Variants in GDF9 observed in about 807,000 individuals in gnomAD.
GDF9 encodes the protein growth/differentiation factor 9.
A neutral mutation model predicts 33.8 loss-of-function variants in GDF9; 30 were observed. The ratio of observed to expected loss-of-function variants is 0.89; its 90% confidence interval spans 0.66 to 1.20. The LOEUF is 1.20. Ranked by LOEUF, GDF9 falls within the 50% of genes most tolerant of loss-of-function variation. The pLI is 0.00. For missense variants in GDF9, 556 were observed against 543.7 expected, an observed-to-expected ratio of 1.02 and a Z score of -0.22; for synonymous variants, 205 against 200.7, an observed-to-expected ratio of 1.02 and a Z score of -0.18.
intron 1 of GDF9, among the ~76,000 whole-genome samples, chr5:132,863,502 C>A (rs567246588): frequency 6.7e-6 from 1 of 148,492 alleles, no homozygotes; most frequent in Admixed American, 6.8e-5. Flanking sequence ...AGCAGTGGTG[C>A]GATCTTGGCT....
In GDF9 at chr5:132,866,183, G is replaced by A. The variant is rs30179; in HGVS notation, c.-1650C>T. 0.54 allele frequency: 82,430 copies of A among 152,404 alleles called. 22,655 individuals carry two copies. Among genetic ancestry groups the A allele is most frequent in the South Asian group, 0.61 (3,005 of 4,896 alleles). 9.4% of individuals were successfully genotyped at this position (152,404 alleles called of 1,614,324 possible). On this transcript the variant is annotated 5_prime_UTR_variant, in exon 1 of 2. Coordinates refer to ENST00000687138, the MANE Select transcript of GDF9 (RefSeq NM_005260.7). ...TTTGAGCTACTGGCCAAGGCCAAAT[G>A]AAACCTCGTGCTCCTCTGCTGTGGG...
At chr5:132,863,153 C>G (rs1759379087) in intron 1 of GDF9, among the ~76,000 whole-genome samples, 1 of 152,166 alleles carries the variant, frequency 6.6e-6, no homozygotes, top group Non-Finnish European at 1.5e-5. Flanking sequence ...GTAATTTGCT[C>G]CAAACACAGA....
chr5:132,862,801 C>T (rs1442269847), intron 1 of GDF9, among the ~76,000 whole-genome samples: 1 of 152,082 alleles, frequency 6.6e-6, no homozygotes, highest in Non-Finnish European at 1.5e-5. Flanking sequence ...ATCAAAGTAA[C>T]AGGGAATCAC....
chr5:132,861,359 T>C lies in GDF9; in HGVS notation c.*230A>G, dbSNP rs1220558448. 1.9e-6 allele frequency: 1 copy of C among 512,948 alleles called. No homozygotes were observed. The highest frequency in any genetic ancestry group is 3.5e-6 in the Non-Finnish European group (1 of 288,080). 31.8% of individuals were successfully genotyped at this position (512,948 alleles called of 1,614,324 possible). On this transcript the variant is annotated 3_prime_UTR_variant, in exon 2 of 2. Coordinates refer to ENST00000687138, the MANE Select transcript of GDF9 (RefSeq NM_005260.7). Reference sequence around the variant, plus strand: ...GAAAAAAATGTAAAGTTCTCCACAATAATTATATTTCATTTAAATTTGGAA... The same window carrying C: ...GAAAAAAATGTAAAGTTCTCCACAACAATTATATTTCATTTAAATTTGGAA...
Position 132,864,325 on chromosome 5 carries a change from G to C in GDF9, c.209C>G (p.Ser70Cys), listed in dbSNP as rs933014086. 2 of 1,614,046 alleles carry C rather than the reference G, an allele frequency of 1.2e-6. No homozygotes were observed. The highest frequency in any genetic ancestry group is 1.7e-5 in the Admixed American group (1 of 60,010). ...GLLPALFKVL[S>C]VGRGGSPRLQ... ...CCTAGGTGACCCACCTCGCCCAACA[G>C]ATAGAACTTTGAAAAGCGCGGGAAG... Residue 70 changes from serine (S) to cysteine (C), a missense_variant, in exon 1 of 2, where the codon TCT (serine) becomes TGT (cysteine). Physicochemically the swap from Ser to Cys is moderately radical, Grantham distance 112 (BLOSUM62 -1). Transcript: ENST00000687138.
At position 132,861,960 on chromosome 5, in the gene GDF9, A is replaced by C; in HGVS notation, c.994T>G (p.Leu332Val). Residue 332 changes from leucine (L) to valine (V), a missense_variant, in exon 2 of 2, where the codon TTG becomes GTG. Transcript: ENST00000687138. ...CTCAGATTGAAGGAAGCTGGGCCCA[A>C]GGGCTTCTTCAATTCAGAACTGACA... Reference protein sequence around the residue: ...ETVSSELKKPLGPASFNLSEY... With the variant: ...ETVSSELKKPVGPASFNLSEY... 1 of 1,614,176 alleles carries C rather than the reference A, an allele frequency of 6.2e-7. No homozygotes were observed. The highest frequency in any genetic ancestry group is 8.5e-7 in the Non-Finnish European group (1 of 1,180,014).
In GDF9 at chr5:132,864,433, A is replaced by G. The variant is rs1184417862; in HGVS notation, c.101T>C (p.Ile34Thr). The change falls in exon 1 of 2, where the codon ATT (isoleucine) becomes ACT (threonine). Residue 34 changes from isoleucine to threonine, a missense_variant. Transcript: ENST00000687138. Reference protein sequence around the residue: ...GSQASGGEAQIAASAELESGA... With the variant: ...GSQASGGEAQTAASAELESGA... ...AGATTCCAACTCAGCACTAGCAGCAATCTGAGCTTCTCCCCCAGAAGCCTG... is the reference window on the plus strand; with the variant it reads ...AGATTCCAACTCAGCACTAGCAGCAGTCTGAGCTTCTCCCCCAGAAGCCTG... The G allele has an allele frequency of 3.1e-6, 5 of 1,613,934 alleles. No homozygotes were observed. Among genetic ancestry groups the G allele is most frequent in the Non-Finnish European group, 4.2e-6 (5 of 1,179,914 alleles).
Position 132,866,333 on chromosome 5 carries a change from C to G in GDF9, c.-1800G>C, listed in dbSNP as rs1375778127. On this transcript the variant is annotated 5_prime_UTR_variant, in exon 1 of 2. Coordinates refer to ENST00000687138, the MANE Select transcript of GDF9 (RefSeq NM_005260.7). ...CTTCCTCGTCACCTTTTTGTTCCCTCCCCCGCCTCCCGCATTCGGCCGCTT... is the reference window on the plus strand; with the variant it reads ...CTTCCTCGTCACCTTTTTGTTCCCTGCCCCGCCTCCCGCATTCGGCCGCTT... 6.2e-6 allele frequency: 1 copy of G among 162,308 alleles called. No homozygotes were observed. The highest frequency in any genetic ancestry group is 1.9e-4 in the East Asian group (1 of 5,326). The allele number at this position is 162,308 out of a possible 1,614,324, so 10.1% of individuals were successfully genotyped here. A position where few individuals can be genotyped will look rare whatever the true frequency, so the allele number is the denominator to read the frequency against.
At position 132,864,583 on chromosome 5, in the gene GDF9, C is replaced by G. The variant is rs1274303500; in HGVS notation, c.-50G>C. On this transcript the variant is annotated 5_prime_UTR_variant, in exon 1 of 2. Transcript: ENST00000687138. The stretch of plus-strand genomic sequence containing the variant: ...ATATTTCTCCATGCCAGTCCTCTTC[C>G]TAAAGGCCAGGAAGAGCCTAGCTTG... 6.3e-7 allele frequency: 1 copy of G among 1,586,066 alleles called. No individual in the cohort carries two copies. The highest frequency in any genetic ancestry group is 8.6e-7 in the Non-Finnish European group (1 of 1,167,812).
rs1300127907 is a variant in GDF9 at position 132,862,056 on chromosome 5, A to T, written c.898T>A (p.Tyr300Asn). The change falls in exon 2 of 2, where the codon TAT becomes AAT. Residue 300 changes from tyrosine to asparagine, a missense_variant. Tyr to Asn is a moderately radical substitution (Grantham distance 143, BLOSUM62 -2). Transcript: ENST00000687138. ...GPDQERSLSA[Y>N]PVGEEAAEDG... ...TCAGCAGCCTCTTCTCCCACAGGAT[A>T]GGCAGACAGACTTCTCTCCTGGTCA... 1.9e-6 allele frequency: 3 copies of T among 1,614,010 alleles called. No individual in the cohort carries two copies. In the South Asian group the frequency reaches 3.3e-5, roughly 18 times the overall value.
chr5:132,861,982 GAC>G lies in GDF9; in HGVS notation c.970_971del (p.Val324GlnfsTer3), dbSNP rs766511393. ...HHRHRRGQET[V>X]SSELKKPLGP... is the part of the protein sequence containing the mutation. ...CCAAGGGCTTCTTCAATTCAGAACT[GAC>G]AGTTTCCTGACCTCTGCGGTGACGG... On this transcript the variant is annotated frameshift_variant, in exon 2 of 2. Transcript: ENST00000687138. LOFTEE classifies it high-confidence loss of function. 2.5e-6 allele frequency: 4 copies of G among 1,613,894 alleles called. No homozygotes were observed. The highest frequency in any genetic ancestry group is 1.3e-5 in the African/African-American group (1 of 74,914).
Position 132,861,526 on chromosome 5 carries a change from G to A in GDF9, c.*63C>T. 1.4e-6 allele frequency: 2 copies of A among 1,380,258 alleles called. No individual in the cohort carries two copies. The highest frequency in any genetic ancestry group is 3.3e-5 in the Admixed American group (2 of 59,760). The allele number at this position is 1,380,258 out of a possible 1,614,324, so 85.5% of individuals were successfully genotyped here. On this transcript the variant is annotated 3_prime_UTR_variant, in exon 2 of 2. Coordinates refer to ENST00000687138, the MANE Select transcript of GDF9 (RefSeq NM_005260.7). ...TAATATATGAAGCTTTCTCTTGAAG[G>A]CACACATAGGCACACAGTAGTTACT...
chr5:132,861,783 C>T lies in GDF9; in HGVS notation c.1171G>A (p.Gly391Arg). ...TGAACTGGAGAGCCATACCGATGTC[C>T]AACTGCCCTTGGACAGTCCCCTTTA... ...YCKGDCPRAV[G>R]HRYGSPVHTM... The change falls in exon 2 of 2, where the codon GGA becomes AGA. Residue 391 changes from glycine to arginine, a missense_variant. Coordinates refer to ENST00000687138, the MANE Select transcript of GDF9 (RefSeq NM_005260.7). The T allele has an allele frequency of 1.2e-6, 2 of 1,612,350 alleles. No homozygotes were observed. Among genetic ancestry groups the T allele is most frequent in the Non-Finnish European group, 1.7e-6 (2 of 1,178,350 alleles).
chr5:132,862,677 GCCTC>G, intron 1 of GDF9, 121 bp from the exon 2 acceptor site: 19 of 759,468 alleles, frequency 2.5e-5, no homozygotes, highest in Admixed American at 7.9e-5. Context: ...ACTTTCTCAA[GCCTC>G]AAAAAAAAAA....
In GDF9 at chr5:132,864,526, C is replaced by A. The variant is rs2150050072; in HGVS notation, c.8G>T (p.Arg3Leu). 6.2e-7 allele frequency: 1 copy of A among 1,606,888 alleles called. No homozygotes were observed. The highest frequency in any genetic ancestry group is 8.5e-7 in the Non-Finnish European group (1 of 1,179,944). The change falls in exon 1 of 2, where the codon CGT (arginine) becomes CTT (leucine). Residue 3 changes from arginine (R) to leucine (L), a missense_variant. Arg to Leu is a moderately radical substitution (Grantham distance 102). Transcript: ENST00000687138. MA[R>L]PNKFLLWFCC... ...AAACCAAAGGAGGAATTTGTTGGGA[C>A]GTGCCATGGCTTGGGAGAACTAGTG...
rs995170657 is a variant in GDF9 at position 132,865,787 on chromosome 5, A to T, written c.-1254T>A. 2.6e-5 allele frequency among the ~76,000 whole-genome samples: 4 copies of T among 152,154 alleles called. No individual in the cohort carries two copies. Among genetic ancestry groups the T allele is most frequent in the Admixed American group, 6.5e-5 (1 of 15,278 alleles). ...TAACAAAACACTGACAAGACACCTC[A>T]GGGCGAGCTGTACATTGACAACAGC... On this transcript the variant is annotated 5_prime_UTR_variant, in exon 1 of 2. An upstream open reading frame in the 5' UTR loses its in-frame stop. Coordinates refer to ENST00000687138, the MANE Select transcript of GDF9 (RefSeq NM_005260.7).
upstream of GDF9, chr5:132,866,633 G>T: frequency 1.7e-6 from 1 of 580,222 alleles, no homozygotes; most frequent in Non-Finnish European, 3.1e-6. Context: ...CAACCTTGCC[G>T]GAAATGACGA....
rs182208414 is a variant in GDF9 at position 132,863,608 on chromosome 5, T to C, written c.397+529A>G. 8.5e-5 allele frequency among the ~76,000 whole-genome samples: 13 copies of C among 152,118 alleles called. No homozygotes were observed. The East Asian group carries it at 2.5e-3, about 29-fold the overall frequency. On this transcript the variant is annotated intron_variant, in intron 1 of 1. Transcript: ENST00000687138. ...GTATGCACCACCACACCCAGCTAATTTTTGTATTTTTAGTAGAGACGGGGT... is the reference window on the plus strand; with the variant it reads ...GTATGCACCACCACACCCAGCTAATCTTTGTATTTTTAGTAGAGACGGGGT...
Position 132,861,607 on chromosome 5 carries a change from T to C in GDF9, c.1347A>G (p.Thr449=). 1 of 1,613,766 alleles carries C rather than the reference T, an allele frequency of 6.2e-7. No homozygotes were observed. The highest frequency in any genetic ancestry group is 1.1e-5 in the South Asian group (1 of 91,078). ...CCATTTGTTAACGACAGGTGCACTT[T>C]GTAGCTATCATATCTTCGTACTCTT... The part of the protein sequence containing the change: ...AYKEYEDMIA[T]KCTCR The change falls in exon 2 of 2, where the codon ACA becomes ACG. Residue 449 remains threonine (T), a synonymous_variant. Transcript: ENST00000687138.
Sources: gnomAD v4.1 joint callset for allele counts (sites outside exome capture counted in the v4.1 genomes callset) on GRCh38, gnomAD v4.1.1 for gene constraint, MANE v1.5 for transcripts, NCBI Gene and HGNC (gene_info 2026-07-23, HGNC 2026-07-21) for gene names.